The following PDE6D variants were observed in gnomAD, a reference collection of about 807,000 sequenced individuals.
The protein encoded by PDE6D is phosphodiesterase 6D, also known as retinal rod rhodopsin-sensitive cGMP 3',5'-cyclic phosphodiesterase subunit delta.
PDE6D carries 10 observed loss-of-function variants against 21.9 expected under a neutral mutation model. The ratio of observed to expected loss-of-function variants is 0.46; its 90% CI spans 0.28 to 0.78. The LOEUF is 0.78. PDE6D is among the 30% of genes least tolerant of loss of function. PDE6D has a pLI of 0.12. For synonymous variants in PDE6D, 59 were observed against 63.5 expected (o/e 0.93, Z 0.34); for missense variants, 139 against 184.8 (o/e 0.75, Z 1.44).
At chr2:231,754,242 T>C (rs544129811) in intron 1 of PDE6D, among the ~76,000 whole-genome samples, 3 of 152,216 alleles carry the variant, frequency 2.0e-5, no homozygotes, top group South Asian at 2.1e-4. Context: ...AGATGTACCA[T>C]ACCATGTACC....
At chr2:231,741,039 G>A (rs2048744878) in intron 1 of PDE6D, among the ~76,000 whole-genome samples, 1 of 145,480 alleles carries the variant, frequency 6.9e-6, no homozygotes, top group Non-Finnish European at 1.5e-5. Flanking sequence ...TCAGGAGGCT[G>A]AGGCAGGAGA....
chr2:231,737,062 T>G (rs1040613978), intron 4 of PDE6D, 125 bp downstream of exon 4: 5 of 528,280 alleles, frequency 9.5e-6, no homozygotes, highest in Admixed American at 3.5e-5. Flanking sequence ...TAGATACCCT[T>G]GGATACTCTT....
At chr2:231,773,575 T>TAAGTAAATAGAA (rs1441573301) in intron 1 of PDE6D, among the ~76,000 whole-genome samples, 27 of 152,210 alleles carry the variant, frequency 1.8e-4, no homozygotes, top group African/African-American at 6.5e-4. Context: ...AAATAGAAGA[T>TAAGTAAATAGAA]GTAAAGCCAA....
chr2:231,749,357 T>G (rs900065401), intron 1 of PDE6D, among the ~76,000 whole-genome samples: 1 of 152,178 alleles, frequency 6.6e-6, no homozygotes, highest in Non-Finnish European at 1.5e-5. Flanking sequence ...CCCCTTTGTT[T>G]TGGCCAATTT....
chr2:231,771,633 T>C (rs1372307868), intron 1 of PDE6D, among the ~76,000 whole-genome samples: 1 of 152,240 alleles, frequency 6.6e-6, no homozygotes, highest in African/African-American at 2.4e-5. Context: ...AAATGTTATC[T>C]AAATTCAGAG....
At chr2:231,735,385 C>T (rs1253172950) in intron 4 of PDE6D, among the ~76,000 whole-genome samples, 1 of 149,576 alleles carries the variant, frequency 6.7e-6, no homozygotes, top group African/African-American at 2.5e-5. Context: ...CTGCAACCTC[C>T]GGCACCCAGA....
intron 1 of PDE6D, among the ~76,000 whole-genome samples, chr2:231,760,995 T>C (rs748907918): frequency 3.3e-5 from 5 of 152,140 alleles, no homozygotes; most frequent in African/African-American, 9.7e-5. Flanking sequence ...ATCTCTTCCA[T>C]ATTCAAGTAC....
At chr2:231,772,629 G>A (rs1423650852) in intron 1 of PDE6D, among the ~76,000 whole-genome samples, 1 of 152,166 alleles carries the variant, frequency 6.6e-6, no homozygotes, top group East Asian at 1.9e-4. Context: ...CTCATAACAC[G>A]AGGATTTGTG....
intron 1 of PDE6D, among the ~76,000 whole-genome samples, chr2:231,778,202 G>T (rs1478269760): frequency 1.3e-5 from 2 of 152,150 alleles, no homozygotes; most frequent in Non-Finnish European, 2.9e-5. Context: ...GGAGGCGGAG[G>T]TTGCAGTGAG....
intron 1 of PDE6D, among the ~76,000 whole-genome samples, chr2:231,777,791 T>C (rs965105086): frequency 4.6e-5 from 7 of 152,216 alleles, no homozygotes; most frequent in South Asian, 4.1e-4. Flanking sequence ...ACTGGAACTA[T>C]TGGCTATCCA....
At chr2:231,773,047 G>A (rs1352116445) in intron 1 of PDE6D, among the ~76,000 whole-genome samples, 2 of 152,072 alleles carry the variant, frequency 1.3e-5, no homozygotes, top group Non-Finnish European at 2.9e-5. Context: ...AGACCAGCCT[G>A]GGCAACATAG....
intron 1 of PDE6D, among the ~76,000 whole-genome samples, chr2:231,745,411 G>A (rs1468233908): frequency 6.6e-6 from 1 of 152,190 alleles, no homozygotes. Context: ...ATCTTGAGAG[G>A]AGGATTAGGT....
intron 3 of PDE6D, chr2:231,737,644 T>G (rs558113761): frequency 6.6e-6 from 2 of 302,458 alleles, no homozygotes; most frequent in Non-Finnish European, 1.2e-5. Context: ...CCCTTTACAC[T>G]GCATGGTGAG....
At chr2:231,760,130 G>T (rs1203424982) in intron 1 of PDE6D, among the ~76,000 whole-genome samples, 1 of 152,124 alleles carries the variant, frequency 6.6e-6, no homozygotes, top group Non-Finnish European at 1.5e-5. Flanking sequence ...TTATCAGCTG[G>T]TCCTTATCAA....
chr2:231,761,276 G>C (rs888289483), intron 1 of PDE6D, among the ~76,000 whole-genome samples: 1 of 151,956 alleles, frequency 6.6e-6, no homozygotes, highest in Non-Finnish European at 1.5e-5. Context: ...CCAGGTTCAC[G>C]CCATTCTCCT....
At chr2:231,766,961 T>C (rs1176976939) in intron 1 of PDE6D, among the ~76,000 whole-genome samples, 1 of 123,324 alleles carries the variant, frequency 8.1e-6, no homozygotes, top group African/African-American at 3.2e-5. Context: ...GCCACTGCAC[T>C]CCAGCCTGGG....
chr2:231,737,154 C>G (rs370932808), intron 4 of PDE6D, 33 bp downstream of exon 4: 3 of 1,287,550 alleles, frequency 2.3e-6, no homozygotes, highest in Non-Finnish European at 3.4e-6. Flanking sequence ...TTTCTAGACA[C>G]ACTTCATAAT....
At chr2:231,762,652 T>C (rs936379145) in intron 1 of PDE6D, among the ~76,000 whole-genome samples, 3 of 152,048 alleles carry the variant, frequency 2.0e-5, no homozygotes, top group Non-Finnish European at 4.4e-5. Flanking sequence ...GCCTAACAAT[T>C]TGGTTTTAAG....
chr2:231,745,095 A>G (rs17199642), intron 1 of PDE6D, among the ~76,000 whole-genome samples: 26,890 of 152,106 alleles, frequency 0.18, 2,755 homozygotes, highest in Non-Finnish European at 0.23. Context: ...ATGGAAATCC[A>G]TAATAGTCTA....
Sources: gnomAD v4.1 joint callset for allele counts (sites outside exome capture counted in the v4.1 genomes callset) on GRCh38, gnomAD v4.1.1 for gene constraint, MANE v1.5 for transcripts, NCBI Gene and HGNC (gene_info 2026-07-23, HGNC 2026-07-21) for gene names.